SPATA9: variants seen among roughly 807,000 people sequenced by gnomAD.
SPATA9 encodes spermatogenesis-associated protein 9.
Under a neutral mutation model 25.5 loss-of-function variants are expected in SPATA9, and 27 were observed. That is an observed-to-expected ratio of 1.06 (90% CI 0.78 to 1.46). The LOEUF (loss-of-function observed/expected upper bound fraction) is 1.46, where lower values mean the gene tolerates loss of function less well. Ranked by LOEUF, SPATA9 falls within the 40% of genes most tolerant of loss-of-function variation. The pLI is 0.00. For missense variants in SPATA9, 282 were observed against 297.5 expected (o/e 0.95, Z 0.38); for synonymous variants, 102 against 105.7 (o/e 0.97, Z 0.21).
At chr5:95,700,207 T>G (rs1754141352), upstream of SPATA9, among the ~76,000 whole-genome samples, 2 of 152,198 alleles carry the variant, frequency 1.3e-5, no homozygotes, top group Non-Finnish European at 2.9e-5. Context: ...AGCAATTTCA[T>G]AGTAGCTATC....
the SPATA9 span, chr5:95,717,557 TG>T: frequency 2.6e-5 from 4 of 152,344 alleles, no homozygotes; most frequent in African/African-American, 7.2e-5. Flanking sequence ...ATACAGTTGG[TG>T]ACAAAGGAGA....
intron 1 of SPATA9, among the ~76,000 whole-genome samples, chr5:95,693,142 C>T (rs2548131): frequency 0.57 from 86,448 of 152,008 alleles, 24,762 homozygotes; most frequent in East Asian, 0.8. Context: ...GCACTGATAG[C>T]GAGAATGTAA....
chr5:95,727,156 G>A, the SPATA9 span, among the ~76,000 whole-genome samples: 1 of 151,980 alleles, frequency 6.6e-6, no homozygotes, highest in Non-Finnish European at 1.5e-5. Context: ...TTTTTTAAAA[G>A]ACAGCAATAA....
chr5:95,696,312 T>G (rs1469706668), intron 1 of SPATA9, among the ~76,000 whole-genome samples: 1 of 151,578 alleles, frequency 6.6e-6, no homozygotes, highest in Non-Finnish European at 1.5e-5. Flanking sequence ...AATAACATTT[T>G]CTATGAAAAA....
downstream of SPATA9, chr5:95,652,249 C>G: frequency 6.5e-7 from 1 of 1,545,932 alleles, no homozygotes; most frequent in Non-Finnish European, 8.7e-7. Flanking sequence ...CTCTCTACAA[C>G]CTCTCTTCCA....
At chr5:95,662,192 G>GA (rs1751330953) in intron 4 of SPATA9, among the ~76,000 whole-genome samples, 1 of 151,874 alleles carries the variant, frequency 6.6e-6, no homozygotes, top group Non-Finnish European at 1.5e-5. Flanking sequence ...TTTTTTTAAA[G>GA]AAAAAATAGA....
chr5:95,664,429 C>CA (rs1444568916), intron 3 of SPATA9, among the ~76,000 whole-genome samples: 1 of 152,104 alleles, frequency 6.6e-6, no homozygotes, highest in Non-Finnish European at 1.5e-5. Context: ...AAACAGCAAT[C>CA]AAAATAATAA....
At chr5:95,713,080 A>G in the SPATA9 span, among the ~76,000 whole-genome samples, 1 of 152,162 alleles carries the variant, frequency 6.6e-6, no homozygotes, top group Non-Finnish European at 1.5e-5. Flanking sequence ...GTTCCCAGAC[A>G]ATTTACTTAA....
intron 4 of SPATA9, 77 bp downstream of exon 4, chr5:95,663,876 T>C: frequency 2.8e-6 from 2 of 707,850 alleles, no homozygotes; most frequent in Non-Finnish European, 4.4e-6. Flanking sequence ...TTGTACAGTA[T>C]ACTATTGCAC....
chr5:95,700,973 GA>G (rs1043223112), upstream of SPATA9, among the ~76,000 whole-genome samples: 1 of 151,996 alleles, frequency 6.6e-6, no homozygotes, highest in Admixed American at 6.5e-5. Context: ...ACAAGAATTT[GA>G]AAAAACAAAT....
chr5:95,710,793 G>A, the SPATA9 span, among the ~76,000 whole-genome samples: 1 of 152,162 alleles, frequency 6.6e-6, no homozygotes, highest in Non-Finnish European at 1.5e-5. Context: ...TCCTTTGAAT[G>A]CTTTATCAGC....
chr5:95,731,741 AG>A, the SPATA9 span: 1 of 1,610,196 alleles, frequency 6.2e-7, no homozygotes, highest in Non-Finnish European at 8.5e-7. Flanking sequence ...CGTGCGCCCC[AG>A]GGACAGGGGC....
At chr5:95,689,697 AAG>A (rs1432330057) in intron 1 of SPATA9, among the ~76,000 whole-genome samples, 1 of 152,224 alleles carries the variant, frequency 6.6e-6, no homozygotes, top group African/African-American at 2.4e-5. Context: ...ATTTCAGTGT[AAG>A]AGAAGACCCA....
chr5:95,683,014 C>CAAT, upstream of SPATA9: 1 of 1,283,162 alleles, frequency 7.8e-7, no homozygotes, highest in Non-Finnish European at 9.9e-7. Flanking sequence ...TGTTACTGTA[C>CAAT]AATAGGCTTC....
the SPATA9 span, chr5:95,731,218 C>A: frequency 1.5e-5 from 15 of 1,002,770 alleles, no homozygotes; most frequent in South Asian, 4.2e-5. Context: ...GCGCGTCCCC[C>A]GCATCCGCCC....
intron 3 of SPATA9, chr5:95,674,587 A>G (rs777662948): frequency 2.7e-5 from 7 of 255,168 alleles, no homozygotes; most frequent in Non-Finnish European, 4.7e-5. Flanking sequence ...TCTTGCAACT[A>G]TGAGGGGAAA....
intron 1 of SPATA9, among the ~76,000 whole-genome samples, chr5:95,691,227 A>AAAT (rs1197843510): frequency 4.6e-5 from 7 of 151,932 alleles, no homozygotes; most frequent in Non-Finnish European, 7.4e-5. Context: ...AAAAAAAAAA[A>AAAT]AAATTCATTT....
the SPATA9 span, chr5:95,731,200 C>T: frequency 3.0e-6 from 3 of 1,001,952 alleles, no homozygotes; most frequent in Non-Finnish European, 3.6e-6. Flanking sequence ...CCGGGGCCTC[C>T]GCGGGGAGCG....
intron 3 of SPATA9, among the ~76,000 whole-genome samples, chr5:95,674,498 G>C (rs1752728296): frequency 6.6e-6 from 1 of 152,150 alleles, no homozygotes; most frequent in South Asian, 2.1e-4. Context: ...ATTCCCGTTG[G>C]GGTCAGGGGT....
Sources: gnomAD v4.1 joint callset for allele counts (sites outside exome capture counted in the v4.1 genomes callset) on GRCh38, gnomAD v4.1.1 for gene constraint, MANE v1.5 for transcripts, NCBI Gene and HGNC (gene_info 2026-07-23, HGNC 2026-07-21) for gene names.